Variants in ST3GAL3 observed in about 807,000 individuals in gnomAD.
ST3GAL3 encodes ST3 beta-galactoside alpha-2,3-sialyltransferase 3.
ST3GAL3 carries 21 observed loss-of-function variants against 50.1 expected under a neutral mutation model. That is an observed-to-expected ratio of 0.42 (90% CI 0.30 to 0.60). ST3GAL3 has a LOEUF of 0.60. Among genes scored for constraint, ST3GAL3 ranks in the 20% least tolerant of loss-of-function variants. The pLI, the probability that ST3GAL3 is intolerant of heterozygous loss-of-function variation, is 0.19. For synonymous variants in ST3GAL3, 183 were observed against 190.0 expected, an observed-to-expected ratio of 0.96 and a Z score of 0.30; for missense variants, 353 against 489.4, an observed-to-expected ratio of 0.72 and a Z score of 2.63.
intron 1 of ST3GAL3, among the ~76,000 whole-genome samples, chr1:43,734,257 T>G (rs958279322): frequency 2.6e-5 from 4 of 151,786 alleles, no homozygotes; most frequent in African/African-American, 9.7e-5. Context: ...TTTTTTCACT[T>G]TATGTTTTCT....
chr1:43,799,912 C>A (rs1348512489), intron 3 of ST3GAL3, among the ~76,000 whole-genome samples: 1 of 152,158 alleles, frequency 6.6e-6, no homozygotes, highest in African/African-American at 2.4e-5. Flanking sequence ...GGATTAAATT[C>A]ACTGCAGTAC....
chr1:43,907,220 T>G (rs543695331), intron 9 of ST3GAL3, among the ~76,000 whole-genome samples: 1 of 152,264 alleles, frequency 6.6e-6, no homozygotes, highest in African/African-American at 2.4e-5. Context: ...CTATAACACC[T>G]CCCATTTATT....
intron 5 of ST3GAL3, among the ~76,000 whole-genome samples, chr1:43,887,627 T>C (rs1460685735): frequency 6.6e-6 from 1 of 152,162 alleles, no homozygotes; most frequent in Non-Finnish European, 1.5e-5. Flanking sequence ...AGAGTTGTAG[T>C]AGGCATTGAA....
At chr1:43,778,279 G>A (rs1277967943) in intron 2 of ST3GAL3, among the ~76,000 whole-genome samples, 1 of 152,152 alleles carries the variant, frequency 6.6e-6, no homozygotes, top group Non-Finnish European at 1.5e-5. Flanking sequence ...CCTGGTGCGG[G>A]GAAGGAGAGC....
chr1:43,894,457 C>A lies in ST3GAL3; in HGVS notation c.377C>A (p.Pro126His). The change falls in exon 6 of 12, where the codon CCT (proline) becomes CAT (histidine). Residue 126 changes from proline (P) to histidine (H), a missense_variant. By Grantham distance (77) the Pro-to-His change is moderately conservative. Coordinates refer to ENST00000347631, the MANE Select transcript of ST3GAL3 (RefSeq NM_006279.5). The stretch of plus-strand genomic sequence containing the variant: ...GCTAGAATCCGGGAGTTCGTGCCGC[C>A]TTTTGGGATCAAAGGTCAAGGTATG... ...KWARIREFVP[P>H]FGIKGQDNLI... 6.2e-7 allele frequency: 1 copy of A among 1,614,136 alleles called. No homozygotes were observed. Among genetic ancestry groups the A allele is most frequent in the Non-Finnish European group, 8.5e-7 (1 of 1,180,022 alleles).
At chr1:43,914,974 C>T (rs184859464) in intron 9 of ST3GAL3, among the ~76,000 whole-genome samples, 21 of 152,388 alleles carry the variant, frequency 1.4e-4, no homozygotes, top group African/African-American at 5.0e-4. Context: ...CCCTTTACCT[C>T]CCTTACGCAC....
At position 43,930,200 on chromosome 1, in the gene ST3GAL3, T is replaced by C; in HGVS notation, c.1107T>C (p.Thr369=). 2 of 1,613,870 alleles carry C rather than the reference T, an allele frequency of 1.2e-6. No homozygotes were observed. Among genetic ancestry groups the C allele is most frequent in the Non-Finnish European group, 8.5e-7 (1 of 1,180,048 alleles). ...AGCTGGTGAAAGCTCGCGTCATCAC[T>C]GATCTAAGCAGTGGCATCTGAGTGG... ...LRKLVKARVI[T]DLSSGI Residue 369 remains threonine (T), a synonymous_variant, in exon 12 of 12, where the codon ACT becomes ACC. Transcript: ENST00000347631.
rs200248571 is a variant in ST3GAL3, at chr1:43,899,678, A to G, written c.695A>G (p.Lys232Arg). 5 of 1,614,048 alleles carry G rather than the reference A, an allele frequency of 3.1e-6. No individual in the cohort carries two copies. ...RDSLFVLAGF[K>R]WQDFKWLKYI... ...TCTCTCTTTGTCCTCGCCGGCTTCAAGTGGCAGGACTTTAAGTGGTTGAAA... is the reference window on the plus strand; with the variant it reads ...TCTCTCTTTGTCCTCGCCGGCTTCAGGTGGCAGGACTTTAAGTGGTTGAAA... The change falls in exon 9 of 12, where the codon AAG becomes AGG. Residue 232 changes from lysine to arginine, a missense_variant. Coordinates refer to ENST00000347631, the MANE Select transcript of ST3GAL3 (RefSeq NM_006279.5). The surrounding 1 kb of genome is among the most constrained non-coding windows in gnomAD (Gnocchi z 5.4).
At chr1:43,872,458 A>T (rs1488123061) in intron 5 of ST3GAL3, among the ~76,000 whole-genome samples, 1 of 151,286 alleles carries the variant, frequency 6.6e-6, no homozygotes, top group Non-Finnish European at 1.5e-5. Context: ...TCCCTGAGGG[A>T]GAGGGAGGGC....
chr1:43,790,633 CTTT>C (rs11343844), intron 2 of ST3GAL3, among the ~76,000 whole-genome samples: 117 of 125,638 alleles, frequency 9.3e-4, no homozygotes, highest in Middle Eastern at 4.2e-3. Flanking sequence ...ATGGCGTCTC[CTTT>C]TTTTTTTTTT....
chr1:43,759,033 G>A (rs1288507999), intron 2 of ST3GAL3, among the ~76,000 whole-genome samples: 1 of 149,340 alleles, frequency 6.7e-6, no homozygotes. Flanking sequence ...AACAGAGCGA[G>A]ACTGTCTCCT....
chr1:43,796,912 A>G (rs546053227), intron 3 of ST3GAL3, among the ~76,000 whole-genome samples: 2 of 152,396 alleles, frequency 1.3e-5, no homozygotes, highest in Admixed American at 6.5e-5. Flanking sequence ...GGTTAGGTGC[A>G]GTGGCCCATG....
chr1:43,742,444 T>C (rs975469019), intron 2 of ST3GAL3, among the ~76,000 whole-genome samples: 1 of 152,178 alleles, frequency 6.6e-6, no homozygotes, highest in Non-Finnish European at 1.5e-5. Flanking sequence ...CCACACAAAT[T>C]CAGGGCCGTC....
At chr1:43,790,735 G>T (rs1200766377) in intron 2 of ST3GAL3, among the ~76,000 whole-genome samples, 1 of 150,224 alleles carries the variant, frequency 6.7e-6, no homozygotes, top group Non-Finnish European at 1.5e-5. Context: ...AGGTTCAAGT[G>T]CTTCTCCTGC....
intron 4 of ST3GAL3, among the ~76,000 whole-genome samples, chr1:43,819,389 G>C (rs371883164): frequency 6.6e-6 from 1 of 152,054 alleles, no homozygotes; most frequent in African/African-American, 2.4e-5. Flanking sequence ...CACCGTGCCC[G>C]GCAATTTTAT....
intron 2 of ST3GAL3, chr1:43,743,403 G>T: frequency 3.5e-6 from 1 of 284,416 alleles, no homozygotes; most frequent in East Asian, 1.1e-4. Context: ...CTTTAGTGAA[G>T]CAGCAACTGA....
intron 4 of ST3GAL3, among the ~76,000 whole-genome samples, chr1:43,831,306 T>C (rs557780832): frequency 6.6e-6 from 1 of 152,286 alleles, no homozygotes; most frequent in Admixed American, 6.5e-5. Context: ...GACAGGGCCC[T>C]GGCCAAATAA....
At chr1:43,811,768 T>C (rs1478558534) in intron 3 of ST3GAL3, among the ~76,000 whole-genome samples, 1 of 152,144 alleles carries the variant, frequency 6.6e-6, no homozygotes, top group Non-Finnish European at 1.5e-5. Context: ...CTTAAGGACG[T>C]GTTAGGCATC....
chr1:43,894,370 T>C lies in ST3GAL3; in HGVS notation c.303-13T>C. The stretch of plus-strand genomic sequence containing the variant: ...GCGTTTTTGTGATCCTCAGCAGTCC[T>C]GTTATATTCCAGGTTCTCCAAGCCA... On this transcript the variant is annotated splice_polypyrimidine_tract_variant and intron_variant, in intron 5 of 11. Coordinates refer to ENST00000347631, the MANE Select transcript of ST3GAL3 (RefSeq NM_006279.5). 2 of 1,613,778 alleles carry C rather than the reference T, an allele frequency of 1.2e-6. No individual in the cohort carries two copies. Among genetic ancestry groups the C allele is most frequent in the Non-Finnish European group, 1.7e-6 (2 of 1,179,658 alleles).
Sources: gnomAD v4.1 joint callset for allele counts (sites outside exome capture counted in the v4.1 genomes callset) on GRCh38, gnomAD v4.1.1 for gene constraint, Gnocchi (gnomAD v3.1) non-coding constraint, MANE v1.5 for transcripts, NCBI Gene and HGNC (gene_info 2026-07-23, HGNC 2026-07-21) for gene names.